CHST11: variants seen among roughly 807,000 people sequenced by gnomAD.
CHST11 encodes the protein carbohydrate sulfotransferase 11.
CHST11 carries 9 observed loss-of-function variants against 30.4 expected under a neutral mutation model. The observed-to-expected ratio is 0.30, with a 90% CI of 0.18 to 0.52. The LOEUF (loss-of-function observed/expected upper bound fraction) is 0.52. Among genes scored for constraint, CHST11 ranks in the 20% least tolerant of loss-of-function variants. The probability of loss-of-function intolerance (pLI) is 0.97; values close to 1 mark genes in which losing one functional copy is unlikely to be tolerated. For missense variants in CHST11, 348 were observed against 460.6 expected (o/e 0.76, Z 2.24); for synonymous variants, 152 against 187.8 (o/e 0.81, Z 1.56).
intron 1 of CHST11, among the ~76,000 whole-genome samples, chr12:104,560,346 G>A (rs1323549219): frequency 1.3e-5 from 2 of 152,170 alleles, no homozygotes; most frequent in African/African-American, 2.4e-5. Context: ...AGATAGAGAG[G>A]CACTGCTTTG....
intron 1 of CHST11, among the ~76,000 whole-genome samples, chr12:104,506,624 G>A (rs571882738): frequency 6.6e-6 from 1 of 152,314 alleles, no homozygotes; most frequent in East Asian, 1.9e-4. Context: ...GTGCCACTTT[G>A]AGAAACCTAG....
chr12:104,489,121 C>T (rs1268321253), intron 1 of CHST11, among the ~76,000 whole-genome samples: 1 of 152,058 alleles, frequency 6.6e-6, no homozygotes, highest in African/African-American at 2.4e-5. Flanking sequence ...ACTGCAACCT[C>T]CACCTCCCAA....
intron 1 of CHST11, among the ~76,000 whole-genome samples, chr12:104,528,291 G>A (rs944122637): frequency 2.6e-5 from 4 of 152,194 alleles, no homozygotes; most frequent in Admixed American, 1.3e-4. Flanking sequence ...CTTTATCTGG[G>A]AGATGGCATA....
intron 2 of CHST11, among the ~76,000 whole-genome samples, chr12:104,633,412 C>CTTTTTTTTTT (rs34686417): frequency 8.9e-6 from 1 of 111,880 alleles, no homozygotes; most frequent in African/African-American, 3.5e-5. Flanking sequence ...CTCCCTCTGT[C>CTTTTTTTTTT]TTTTTTTTTT....
chr12:104,463,560 C>G (rs772244843), intron 1 of CHST11, among the ~76,000 whole-genome samples: 31 of 152,196 alleles, frequency 2.0e-4, no homozygotes, highest in Admixed American at 5.9e-4. Flanking sequence ...CACATACATA[C>G]ATCTCTGCCT....
At chr12:104,501,955 C>G (rs1046943266) in intron 1 of CHST11, among the ~76,000 whole-genome samples, 2 of 152,184 alleles carry the variant, frequency 1.3e-5, no homozygotes, top group Non-Finnish European at 2.9e-5. Context: ...TTTCTCTTTC[C>G]CTAGCAGCAC....
intron 2 of CHST11, among the ~76,000 whole-genome samples, chr12:104,673,388 A>G (rs749039500): frequency 1.1e-4 from 17 of 152,112 alleles, no homozygotes; most frequent in Non-Finnish European, 1.9e-4. Context: ...AGCCTAGAGC[A>G]TTTTCTCAAA....
intron 2 of CHST11, among the ~76,000 whole-genome samples, chr12:104,639,316 A>T (rs959925455): frequency 6.6e-6 from 1 of 152,222 alleles, no homozygotes; most frequent in Non-Finnish European, 1.5e-5. Flanking sequence ...CCCAAGGACT[A>T]TATATAAATA....
chr12:104,712,923 A>C (rs2040099069), intron 2 of CHST11, among the ~76,000 whole-genome samples: 1 of 152,168 alleles, frequency 6.6e-6, no homozygotes, highest in African/African-American at 2.4e-5. Context: ...TTGTTATTTT[A>C]GGAGACAATC....
At position 104,679,598 on chromosome 12, in the gene CHST11, A is replaced by G. The variant is rs1173450701; in HGVS notation, c.205-77351A>G. On this transcript the variant is annotated intron_variant, in intron 2 of 2. Coordinates refer to ENST00000303694, the MANE Select transcript of CHST11 (RefSeq NM_018413.6). ...ACCCCAGCAGCTGGTGAGGGGGGCC[A>G]GGCCTGTGTGGATTTTGAGTGGGAT... Among the ~76,000 whole-genome samples, 17 of 152,284 alleles carry G rather than the reference A, an allele frequency of 1.1e-4. No individual in the cohort carries two copies. In the East Asian group the frequency reaches 3.1e-3, roughly 28 times the overall value.
chr12:104,516,315 C>A (rs1191386732), intron 1 of CHST11, among the ~76,000 whole-genome samples: 2 of 152,186 alleles, frequency 1.3e-5, no homozygotes, highest in Non-Finnish European at 2.9e-5. Flanking sequence ...TTCACCTTTT[C>A]TTCAGCAGAG....
intron 2 of CHST11, among the ~76,000 whole-genome samples, chr12:104,645,130 G>C (rs2039414224): frequency 6.6e-6 from 1 of 151,842 alleles, no homozygotes; most frequent in Non-Finnish European, 1.5e-5. Flanking sequence ...TGTATTTTTA[G>C]TAGAGACGGG....
chr12:104,472,400 C>A (rs2037519307), intron 1 of CHST11, among the ~76,000 whole-genome samples: 1 of 152,068 alleles, frequency 6.6e-6, no homozygotes. Flanking sequence ...TACACACACA[C>A]ACACACACAC....
chr12:104,607,459 T>C (rs1255064008), intron 2 of CHST11, among the ~76,000 whole-genome samples: 2 of 152,316 alleles, frequency 1.3e-5, no homozygotes, highest in South Asian at 2.1e-4. Flanking sequence ...TGTAACCTGA[T>C]AAGCGGTATA....
At chr12:104,523,026 A>G (rs1565973835) in intron 1 of CHST11, among the ~76,000 whole-genome samples, 4 of 152,234 alleles carry the variant, frequency 2.6e-5, no homozygotes, top group Admixed American at 6.5e-5. Flanking sequence ...TAATCGTCTA[A>G]TAAGAGAAGC....
intron 2 of CHST11, among the ~76,000 whole-genome samples, chr12:104,675,428 T>C (rs943981508): frequency 6.6e-6 from 1 of 152,224 alleles, no homozygotes; most frequent in African/African-American, 2.4e-5. Context: ...CTCATAACTT[T>C]CCAATATTCA....
At chr12:104,728,124 G>A (rs900049757) in intron 2 of CHST11, among the ~76,000 whole-genome samples, 1 of 152,182 alleles carries the variant, frequency 6.6e-6, no homozygotes, top group African/African-American at 2.4e-5. Context: ...CATCAGGAGA[G>A]TCTTCACTTC....
intron 1 of CHST11, among the ~76,000 whole-genome samples, chr12:104,601,500 T>TGA: frequency 6.6e-6 from 1 of 152,356 alleles, no homozygotes; most frequent in African/African-American, 2.4e-5. Context: ...GGACAAGGAA[T>TGA]GAAAGGTCAT....
chr12:104,572,731 T>G (rs2136025167), intron 1 of CHST11, among the ~76,000 whole-genome samples: 1 of 152,322 alleles, frequency 6.6e-6, no homozygotes, highest in East Asian at 1.9e-4. Context: ...TCTGCTCTGA[T>G]CTTAGGTATT....
Sources: allele counts gnomAD v4.1 joint callset (sites outside exome capture counted in the v4.1 genomes callset), GRCh38; gene constraint gnomAD v4.1.1; transcripts MANE v1.5; gene names NCBI Gene and HGNC (gene_info 2026-07-23, HGNC 2026-07-21).